CMSS1: variants seen among roughly 807,000 people sequenced by gnomAD.
The protein encoded by CMSS1 is protein CMSS1.
A neutral mutation model predicts 43.5 loss-of-function variants in CMSS1; 33 were observed. The observed-to-expected ratio is 0.76, with a 90% CI of 0.57 to 1.01. The LOEUF (loss-of-function observed/expected upper bound fraction) is 1.01, where lower values mean the gene tolerates loss of function less well. Among genes scored for constraint, CMSS1 ranks in the 50% least tolerant of loss-of-function variants. CMSS1 has a pLI of 0.00. For missense variants in CMSS1, 313 were observed against 326.4 expected (o/e 0.96, Z 0.32); for synonymous variants, 115 against 117.2 (o/e 0.98, Z 0.12).
At chr3:100,169,257 A>G (rs2067090394) in intron 6 of CMSS1, among the ~76,000 whole-genome samples, 2 of 152,256 alleles carry the variant, frequency 1.3e-5, no homozygotes, top group South Asian at 4.1e-4. Flanking sequence ...GGGCTTGCAC[A>G]TACGTTTTCA....
At chr3:99,945,335 T>C (rs747132006) in intron 1 of CMSS1, among the ~76,000 whole-genome samples, 1 of 152,106 alleles carries the variant, frequency 6.6e-6, no homozygotes, top group Non-Finnish European at 1.5e-5. Context: ...TTCCCAGCCT[T>C]GTTGCGTAGA....
At chr3:99,982,037 C>A (rs1206111031) in intron 1 of CMSS1, among the ~76,000 whole-genome samples, 3 of 151,752 alleles carry the variant, frequency 2.0e-5, no homozygotes, top group African/African-American at 7.2e-5. Flanking sequence ...ATAATATGCT[C>A]TTTTAGTTGT....
chr3:100,071,865 T>G (rs2065769322), intron 1 of CMSS1, among the ~76,000 whole-genome samples: 1 of 152,152 alleles, frequency 6.6e-6, no homozygotes, highest in Non-Finnish European at 1.5e-5. Context: ...TTCCCAGGTG[T>G]GAACCAGTGA....
chr3:99,950,377 T>C (rs1576595331), intron 1 of CMSS1, among the ~76,000 whole-genome samples: 2 of 152,212 alleles, frequency 1.3e-5, no homozygotes, highest in East Asian at 1.9e-4. Context: ...CTTATTTCTA[T>C]GGGTAGGGAA....
chr3:99,918,590 A>C (rs747411875), intron 1 of CMSS1, among the ~76,000 whole-genome samples: 5 of 152,224 alleles, frequency 3.3e-5, no homozygotes, highest in Non-Finnish European at 7.3e-5. Context: ...TGAAATTAAA[A>C]GGCATTGTAT....
intron 1 of CMSS1, among the ~76,000 whole-genome samples, chr3:100,007,781 A>C (rs1316062302): frequency 6.6e-6 from 1 of 152,164 alleles, no homozygotes; most frequent in Admixed American, 6.6e-5. Flanking sequence ...TGATAGAAAA[A>C]ATATATTAGT....
chr3:100,105,550 T>G (rs979068683), intron 1 of CMSS1, among the ~76,000 whole-genome samples: 7 of 152,164 alleles, frequency 4.6e-5, no homozygotes, highest in African/African-American at 1.7e-4. Context: ...GCTATAAGAT[T>G]AACCGAAAAC....
chr3:99,934,209 A>G (rs1197367616), intron 1 of CMSS1, among the ~76,000 whole-genome samples: 6 of 152,192 alleles, frequency 3.9e-5, no homozygotes, highest in Non-Finnish European at 8.8e-5. Flanking sequence ...CCCAGATTCA[A>G]GATTGAGGAA....
At chr3:99,982,921 T>A (rs1274019084) in intron 1 of CMSS1, among the ~76,000 whole-genome samples, 1 of 152,156 alleles carries the variant, frequency 6.6e-6, no homozygotes, top group Non-Finnish European at 1.5e-5. Flanking sequence ...TGTTTTTTAG[T>A]CTGTTACATC....
chr3:99,985,935 T>C (rs1322155618), intron 1 of CMSS1, among the ~76,000 whole-genome samples: 2 of 151,934 alleles, frequency 1.3e-5, no homozygotes, highest in Non-Finnish European at 2.9e-5. Context: ...ATAAAACACA[T>C]TGGGGGTTAA....
intron 1 of CMSS1, among the ~76,000 whole-genome samples, chr3:100,115,625 C>G (rs867393753): frequency 2.0e-4 from 25 of 122,632 alleles, no homozygotes; most frequent in South Asian, 5.1e-4. Flanking sequence ...CTCTCTCTCT[C>G]TCTGTCTCTC....
chr3:100,171,739 G>GCACACATC (rs2067111788), intron 6 of CMSS1, 100 bp from the exon 7 acceptor site: 4 of 922,602 alleles, frequency 4.3e-6, no homozygotes, highest in Non-Finnish European at 7.2e-6. Flanking sequence ...ACACACGTAT[G>GCACACATC]CACACATCCT....
intron 8 of CMSS1, among the ~76,000 whole-genome samples, chr3:100,174,481 A>G (rs562346642): frequency 3.2e-4 from 48 of 152,314 alleles, no homozygotes; most frequent in Non-Finnish European, 6.5e-4. Flanking sequence ...TGAGACCTCA[A>G]TATGAAGGCT....
chr3:100,062,093 CTTTTTTTTTTTTTTTTTTTTT>C (rs71907944), intron 1 of CMSS1, among the ~76,000 whole-genome samples: 4 of 53,152 alleles, frequency 7.5e-5, no homozygotes, highest in Non-Finnish European at 1.0e-4. Flanking sequence ...CTGTCTTCTT[CTTTTTTTTTTTTTTTTTTTTT>C]TTTTTTTTTT....
chr3:99,880,466 TA>T (rs1192579294), intron 1 of CMSS1, among the ~76,000 whole-genome samples: 2 of 152,146 alleles, frequency 1.3e-5, no homozygotes, highest in African/African-American at 4.8e-5. Flanking sequence ...CCCAGGCCTA[TA>T]TATGGTCCGC....
At chr3:99,861,499 A>G (rs1944252533) in intron 1 of CMSS1, among the ~76,000 whole-genome samples, 1 of 151,824 alleles carries the variant, frequency 6.6e-6, no homozygotes. Context: ...TCAGGTTCCT[A>G]ATGCTTTCAT....
chr3:100,039,659 T>A (rs2065168558), intron 1 of CMSS1: 1 of 152,158 alleles, frequency 6.6e-6, no homozygotes, highest in Admixed American at 6.5e-5. Context: ...CACCAAGTAA[T>A]TTTTCATCCA....
At chr3:100,002,465 A>G (rs892477827) in intron 1 of CMSS1, among the ~76,000 whole-genome samples, 3 of 152,140 alleles carry the variant, frequency 2.0e-5, no homozygotes, top group African/African-American at 7.2e-5. Context: ...TCTGCCTGCC[A>G]CTGCTTACTT....
Position 100,093,576 on chromosome 3 carries a change from G to T in CMSS1, c.65-53397G>T, listed in dbSNP as rs116375050. 3.5e-3 allele frequency among the ~76,000 whole-genome samples: 528 copies of T among 152,146 alleles called. 3 individuals carry two copies. Among genetic ancestry groups the T allele is most frequent in the African/African-American group, 0.012 (487 of 41,504 alleles). ...TACACTTCAACCAGTTTCCTCCAAT[G>T]GTAACATCTTACAGAACTGTAGTGG... On this transcript the variant is annotated intron_variant, in intron 1 of 9. Coordinates refer to ENST00000421999, the MANE Select transcript of CMSS1 (RefSeq NM_032359.4).
Sources: gnomAD v4.1 joint callset for allele counts (sites outside exome capture counted in the v4.1 genomes callset) on GRCh38, gnomAD v4.1.1 for gene constraint, MANE v1.5 for transcripts, NCBI Gene and HGNC (gene_info 2026-07-23, HGNC 2026-07-21) for gene names.